Variants in SLC26A8 observed in about 807,000 individuals in gnomAD.
The protein encoded by SLC26A8 is solute carrier family 26 member 8, also known as testis anion transporter 1.
SLC26A8 carries 70 observed loss-of-function variants against 105.0 expected under a neutral mutation model. That is an observed-to-expected ratio of 0.67 (90% CI 0.55 to 0.81). SLC26A8 has a LOEUF of 0.81. Among genes scored for constraint, SLC26A8 ranks in the 40% least tolerant of loss-of-function variants. The pLI, the probability that SLC26A8 is intolerant of heterozygous loss-of-function variation, is 0.00. For synonymous variants in SLC26A8, 415 were observed against 438.3 expected, an observed-to-expected ratio of 0.95 and a Z score of 0.66; for missense variants, 998 against 1,181.8, an observed-to-expected ratio of 0.84 and a Z score of 2.28.
chr6:36,010,443 T>C (rs1761821965), intron 3 of SLC26A8, among the ~76,000 whole-genome samples: 1 of 151,906 alleles, frequency 6.6e-6, no homozygotes, highest in Admixed American at 6.6e-5. Flanking sequence ...GGGGGGTATG[T>C]GGCTTAAAAA....
intron 16 of SLC26A8, among the ~76,000 whole-genome samples, chr6:35,956,693 G>C (rs1352294465): frequency 1.3e-5 from 2 of 152,156 alleles, no homozygotes; most frequent in African/African-American, 4.8e-5. Context: ...GCTGAGGTGG[G>C]TGGATCATCT....
intron 14 of SLC26A8, 52 bp downstream of exon 14, chr6:35,960,791 G>T: frequency 6.5e-7 from 1 of 1,548,374 alleles, no homozygotes; most frequent in Non-Finnish European, 8.9e-7. Flanking sequence ...AGCATGAGGT[G>T]GGGCCCACTC....
chr6:35,991,784 G>A lies in SLC26A8; in HGVS notation c.817C>T (p.Leu273Phe). 1 of 1,600,032 alleles carries A rather than the reference G, an allele frequency of 6.2e-7. No individual in the cohort carries two copies. The highest frequency in any genetic ancestry group is 8.5e-7 in the Non-Finnish European group (1 of 1,175,546). ...FYDIINYCVA[L>F]PKANSTSILV... ...ATGCTGGTGGAATTCGCTTTTGGGA[G>A]AGCTACACAGTAATTAATTATGTCC... Residue 273 changes from leucine to phenylalanine, a missense_variant, in exon 7 of 20, where the codon CTC becomes TTC. Transcript: ENST00000490799.
Position 35,992,660 on chromosome 6 carries a change from T to C in SLC26A8, c.642A>G (p.Val214=). Residue 214 remains valine (V), a synonymous_variant, in exon 6 of 20, where the codon GTA becomes GTG. Coordinates refer to ENST00000490799, the MANE Select transcript of SLC26A8 (RefSeq NM_052961.4). ...AAGTGGCAATGAAGCCCAAACCCAATACGCCCATTATTAGCTGCAGAGAAG... is the reference window on the plus strand; with the variant it reads ...AAGTGGCAATGAAGCCCAAACCCAACACGCCCATTATTAGCTGCAGAGAAG... The part of the protein sequence containing the change: ...LTGIIQLIMG[V]LGLGFIATYL... 1 of 1,610,430 alleles carries C rather than the reference T, an allele frequency of 6.2e-7. No homozygotes were observed. The highest frequency in any genetic ancestry group is 1.3e-5 in the African/African-American group (1 of 74,874).
At chr6:36,011,343 C>CATT (rs1267078793) in intron 3 of SLC26A8, among the ~76,000 whole-genome samples, 6 of 152,170 alleles carry the variant, frequency 3.9e-5, no homozygotes, top group Non-Finnish European at 7.3e-5. Flanking sequence ...GTTGGAAGCC[C>CATT]TACCTTTGGG....
Position 35,978,692 on chromosome 6 carries a change from C to T in SLC26A8, c.1026-1341G>A, listed in dbSNP as rs755568095. On this transcript the variant is annotated intron_variant, in intron 8 of 19. Coordinates refer to ENST00000490799, the MANE Select transcript of SLC26A8 (RefSeq NM_052961.4). Reference sequence around the variant, plus strand: ...ATATATTTCCACAAAGCAAATAATACCTTATCTAATTAAAATTTCTTATTA... The same window carrying T: ...ATATATTTCCACAAAGCAAATAATATCTTATCTAATTAAAATTTCTTATTA... Among the ~76,000 whole-genome samples, 186 of 152,004 alleles carry T rather than the reference C, an allele frequency of 1.2e-3. 1 individual carries two copies. The highest frequency in any genetic ancestry group is 1.6e-3 in the Non-Finnish European group (107 of 67,976).
At chr6:35,946,363 A>C (rs1346469507) in intron 19 of SLC26A8, among the ~76,000 whole-genome samples, 1 of 152,278 alleles carries the variant, frequency 6.6e-6, no homozygotes, top group Admixed American at 6.5e-5. Flanking sequence ...CAGGCTCCCA[A>C]GTAGCTGGAA....
intron 11 of SLC26A8, among the ~76,000 whole-genome samples, chr6:35,963,334 CT>C (rs1233787786): frequency 6.6e-6 from 1 of 152,146 alleles, no homozygotes; most frequent in Non-Finnish European, 1.5e-5. Context: ...CCTCTTTCAA[CT>C]TTTATAAGTA....
chr6:35,993,177 G>C (rs1479725966), intron 5 of SLC26A8, among the ~76,000 whole-genome samples: 1 of 44,996 alleles, frequency 2.2e-5, no homozygotes, highest in Non-Finnish European at 4.3e-5. Flanking sequence ...TTTTTTTTTT[G>C]ATAGAGATTG....
chr6:35,978,394 C>T (rs988990500), intron 8 of SLC26A8, among the ~76,000 whole-genome samples: 1 of 151,850 alleles, frequency 6.6e-6, no homozygotes, highest in Non-Finnish European at 1.5e-5. Context: ...TGGCATAATT[C>T]TTTAAGTCAA....
chr6:35,975,537 G>C (rs377353307), intron 9 of SLC26A8, 49 bp from the exon 10 acceptor site: 10 of 1,170,734 alleles, frequency 8.5e-6, no homozygotes, highest in Non-Finnish European at 1.2e-5. Context: ...GTTGAAGAAT[G>C]CTGATTTTGA....
At chr6:36,019,012 C>T (rs773516353) in intron 2 of SLC26A8, among the ~76,000 whole-genome samples, 1 of 152,298 alleles carries the variant, frequency 6.6e-6, no homozygotes, top group South Asian at 2.1e-4. Context: ...CTACAACCTC[C>T]GCCTCCCAGG....
At chr6:35,948,013 C>T (rs1052937848) in intron 19 of SLC26A8, among the ~76,000 whole-genome samples, 6 of 152,088 alleles carry the variant, frequency 3.9e-5, no homozygotes, top group African/African-American at 1.2e-4. Context: ...ATGAATGAAA[C>T]ATTTAAGAAG....
chr6:36,014,477 AAG>A lies in SLC26A8; in HGVS notation c.189-2107_189-2106del, dbSNP rs58606655. 9.2e-3 allele frequency among the ~76,000 whole-genome samples: 1,403 copies of A among 152,326 alleles called. 15 individuals carry two copies. Among genetic ancestry groups the A allele is most frequent in the African/African-American group, 0.032 (1,326 of 41,572 alleles). On this transcript the variant is annotated intron_variant, in intron 2 of 19. Transcript: ENST00000490799. ...ATGAAAGCACAAGGGAGATTTTGATAAGAGGGGGGATTTGCAGTTGCTAAAGA... is the reference window on the plus strand; with the variant it reads ...ATGAAAGCACAAGGGAGATTTTGATAAGGGGGGATTTGCAGTTGCTAAAGA...
intron 19 of SLC26A8, among the ~76,000 whole-genome samples, chr6:35,945,238 C>T (rs940470709): frequency 6.6e-6 from 1 of 152,044 alleles, no homozygotes; most frequent in Non-Finnish European, 1.5e-5. Flanking sequence ...TTCTTTCTAC[C>T]TTCTGGTTTC....
intron 11 of SLC26A8, among the ~76,000 whole-genome samples, chr6:35,968,609 GTATATATATATATA>G (rs55987809): frequency 0.11 from 6,631 of 60,286 alleles, 788 homozygotes; most frequent in African/African-American, 0.31. Context: ...GTGTGTGTGT[GTATATATATATATA>G]TATATATATA....
chr6:35,974,304 C>A (rs1030791787), intron 10 of SLC26A8, among the ~76,000 whole-genome samples: 1 of 152,116 alleles, frequency 6.6e-6, no homozygotes, highest in African/African-American at 2.4e-5. Context: ...GGTGACAGAG[C>A]AAGACTGTGT....
intron 14 of SLC26A8, 99 bp downstream of exon 14, chr6:35,960,744 G>T: frequency 9.0e-7 from 1 of 1,112,234 alleles, no homozygotes; most frequent in Non-Finnish European, 1.3e-6. Context: ...TATCTGCAGT[G>T]CAGGAAACAA....
chr6:35,984,679 C>G (rs1773422460), intron 7 of SLC26A8, among the ~76,000 whole-genome samples: 2 of 152,084 alleles, frequency 1.3e-5, no homozygotes, highest in African/African-American at 4.8e-5. Context: ...CATGGTCAAA[C>G]CACAGCATTC....
Sources: allele counts gnomAD v4.1 joint callset (sites outside exome capture counted in the v4.1 genomes callset), GRCh38; gene constraint gnomAD v4.1.1; transcripts MANE v1.5; gene names NCBI Gene and HGNC (gene_info 2026-07-23, HGNC 2026-07-21).